The following HDX variants were observed in gnomAD, a reference collection of about 807,000 sequenced individuals.
HDX encodes highly divergent homeobox.
A neutral mutation model predicts 45.2 loss-of-function variants in HDX; 19 were observed. The observed-to-expected ratio is 0.42, with a 90% CI of 0.29 to 0.62. The LOEUF is 0.62. Among genes scored for constraint, HDX ranks in the 20% least tolerant of loss-of-function variants. The pLI, the probability that HDX is intolerant of heterozygous loss-of-function variation, is 0.20. For synonymous variants in HDX, 188 were observed against 172.8 expected (o/e 1.09, Z -0.69); for missense variants, 532 against 493.9 (o/e 1.08, Z -0.73).
intron 4 of HDX, among the ~76,000 whole-genome samples, chrX:84,445,647 A>G (rs1394265376): frequency 9.1e-6 from 1 of 109,340 alleles, no homozygotes; most frequent in Admixed American, 9.7e-5. Flanking sequence ...TATGATTGAG[A>G]ACAATGTGTT....
intron 5 of HDX, among the ~76,000 whole-genome samples, chrX:84,432,452 C>T (rs920077779): frequency 8.9e-6 from 1 of 111,762 alleles, no homozygotes. Flanking sequence ...ATGGATTCTT[C>T]CTATCCATGA....
intron 6 of HDX, among the ~76,000 whole-genome samples, chrX:84,357,578 A>T (rs931747414): frequency 8.9e-6 from 1 of 112,028 alleles, no homozygotes; most frequent in African/African-American, 3.2e-5. Flanking sequence ...TTATGCATGT[A>T]AGTGAACAGA....
intron 4 of HDX, among the ~76,000 whole-genome samples, chrX:84,456,638 T>G (rs1367628374): frequency 9.1e-6 from 1 of 110,103 alleles, no homozygotes; most frequent in African/African-American, 3.3e-5. Context: ...AAAAACACAC[T>G]CCACCTATAA....
intron 3 of HDX, among the ~76,000 whole-genome samples, chrX:84,472,521 C>T (rs180900989): frequency 9.0e-6 from 1 of 111,009 alleles, no homozygotes; most frequent in Non-Finnish European, 1.9e-5. Flanking sequence ...TTGGCAGGCA[C>T]CCCAACAGTA....
intron 1 of HDX, among the ~76,000 whole-genome samples, chrX:84,496,948 G>A (rs1470321338): frequency 9.0e-6 from 1 of 111,450 alleles, no homozygotes; most frequent in Non-Finnish European, 1.9e-5. Flanking sequence ...ATCCCCACAT[G>A]TGGAGGGAGT....
At chrX:84,458,711 G>C (rs1731681347) in intron 4 of HDX, among the ~76,000 whole-genome samples, 1 of 111,115 alleles carries the variant, frequency 9.0e-6, no homozygotes, top group African/African-American at 3.3e-5. Flanking sequence ...TGCTTATCAT[G>C]TACCCACACA....
chrX:84,437,903 G>A (rs2039673312), intron 5 of HDX, among the ~76,000 whole-genome samples: 1 of 110,887 alleles, frequency 9.0e-6, no homozygotes. Context: ...GGTGTCTTCT[G>A]ATGTGGGAGA....
chrX:84,390,132 T>C (rs183857654), intron 5 of HDX, among the ~76,000 whole-genome samples: 1 of 110,456 alleles, frequency 9.1e-6, no homozygotes, highest in Non-Finnish European at 1.9e-5. Context: ...TAATTAGGTC[T>C]GTCTCCATGG....
intron 3 of HDX, among the ~76,000 whole-genome samples, chrX:84,473,146 C>T (rs979292235): frequency 9.2e-5 from 10 of 108,643 alleles, no homozygotes; most frequent in African/African-American, 3.3e-4. Flanking sequence ...ATATCTCCTT[C>T]TTTGTTTTCT....
chrX:84,329,714 C>A (rs1048585271), intron 9 of HDX, among the ~76,000 whole-genome samples: 1 of 111,745 alleles, frequency 8.9e-6, no homozygotes, highest in African/African-American at 3.2e-5. Context: ...AAAATAAAGT[C>A]TATCCCAAAG....
At chrX:84,368,047 A>G (rs981811941) in intron 5 of HDX, among the ~76,000 whole-genome samples, 9 of 111,743 alleles carry the variant, frequency 8.1e-5, no homozygotes, top group Non-Finnish European at 1.7e-4. Flanking sequence ...TGAAGGCAGA[A>G]ATGCATGATG....
chrX:84,409,841 G>A (rs2038941308), intron 5 of HDX, among the ~76,000 whole-genome samples: 2 of 107,333 alleles, frequency 1.9e-5, no homozygotes, highest in Non-Finnish European at 3.8e-5. Flanking sequence ...CCTGCACGTT[G>A]TGCACATGTA....
intron 4 of HDX, among the ~76,000 whole-genome samples, chrX:84,465,374 T>C (rs888581613): frequency 1.8e-5 from 2 of 112,392 alleles, no homozygotes; most frequent in African/African-American, 3.2e-5. Flanking sequence ...TGCACACATA[T>C]GTTTATTGCA....
chrX:84,486,052 G>T (rs1209264600), intron 2 of HDX, among the ~76,000 whole-genome samples: 4 of 111,546 alleles, frequency 3.6e-5, no homozygotes, highest in African/African-American at 1.3e-4. Context: ...TACTGATATG[G>T]TTGGATATAG....
chrX:84,347,554 T>G (rs904981097), intron 6 of HDX, among the ~76,000 whole-genome samples: 4 of 111,985 alleles, frequency 3.6e-5, no homozygotes, highest in Admixed American at 9.5e-5. Context: ...TCTTCCTTTA[T>G]GTAGCTCTGC....
intron 5 of HDX, among the ~76,000 whole-genome samples, chrX:84,400,116 G>C (rs1303997584): frequency 9.1e-6 from 1 of 110,333 alleles, no homozygotes; most frequent in East Asian, 2.9e-4. Context: ...CATATTGAAT[G>C]GGTAAAAGCT....
chrX:84,394,604 C>A (rs1343801935), intron 5 of HDX, among the ~76,000 whole-genome samples: 2 of 110,823 alleles, frequency 1.8e-5, no homozygotes, highest in Non-Finnish European at 3.8e-5. Context: ...GTTGAAGTCC[C>A]CAGTTATTAT....
chrX:84,399,572 T>C (rs760700368), intron 5 of HDX, among the ~76,000 whole-genome samples: 97 of 111,429 alleles, frequency 8.7e-4, no homozygotes, highest in African/African-American at 3.0e-3. Context: ...CAGTAATTAA[T>C]AGCCTACTAA....
chrX:84,494,719 T>C (rs779704702), intron 1 of HDX, among the ~76,000 whole-genome samples: 5 of 112,073 alleles, frequency 4.5e-5, no homozygotes, highest in African/African-American at 1.6e-4. Flanking sequence ...AAGGAAACTC[T>C]TGTACAACTT....
Sources: allele counts gnomAD v4.1 joint callset (sites outside exome capture counted in the v4.1 genomes callset), GRCh38; gene constraint gnomAD v4.1.1; transcripts MANE v1.5; gene names NCBI Gene and HGNC (gene_info 2026-07-23, HGNC 2026-07-21).